RAB29: variants seen among roughly 807,000 people sequenced by gnomAD.
RAB29 encodes the protein RAB29, member RAS oncogene family.
In RAB29, 13 loss-of-function variants were observed where a neutral mutation model predicts 25.5. The observed-to-expected ratio is 0.51, with a 90% CI of 0.33 to 0.81. The LOEUF (loss-of-function observed/expected upper bound fraction) is 0.81, where lower values mean the gene tolerates loss of function less well. Among genes scored for constraint, RAB29 ranks in the 30% least tolerant of loss-of-function variants. The pLI, the probability that RAB29 is intolerant of heterozygous loss-of-function variation, is 0.02. For synonymous variants in RAB29, 88 were observed against 95.0 expected, an observed-to-expected ratio of 0.93 and a Z score of 0.43; for missense variants, 201 against 254.9, an observed-to-expected ratio of 0.79 and a Z score of 1.44.
Position 205,775,299 on chromosome 1 carries a change from T to C in RAB29, c.-157A>G. The C allele has an allele frequency of 1.1e-5, 3 of 269,510 alleles. No individual in the cohort carries two copies. The South Asian group carries it at 1.3e-4, about 12-fold the overall frequency. The allele number at this position is 269,510 out of a possible 1,614,324, so 16.7% of individuals were successfully genotyped here. On this transcript the variant is annotated 5_prime_UTR_variant, in exon 1 of 6. Transcript: ENST00000367139. Reference sequence around the variant, plus strand: ...GGGACTTCCCCCGAGCGGCTCCAAGTCAGTGACTGAATCCCAGTCAGCTCC... The same window carrying C: ...GGGACTTCCCCCGAGCGGCTCCAAGCCAGTGACTGAATCCCAGTCAGCTCC...
In RAB29 at chr1:205,770,763, T is replaced by C. The variant is rs749007910; in HGVS notation, c.470A>G (p.Lys157Arg). The C allele has an allele frequency of 4.8e-5, 78 of 1,614,084 alleles. No homozygotes were observed. Among genetic ancestry groups the C allele is most frequent in the Non-Finnish European group, 5.7e-5 (67 of 1,180,028 alleles). Residue 157 changes from lysine (K) to arginine (R), a missense_variant, in exon 5 of 6, where the codon AAG (lysine) becomes AGG (arginine). Physicochemically the swap from Lys to Arg is conservative, Grantham distance 26. Coordinates refer to ENST00000367139, the MANE Select transcript of RAB29 (RefSeq NM_003929.3). The part of the protein sequence containing the change: ...GFTGWTETSV[K>R]ENKNINEAMR... ...AGCCTCATTAATATTTTTGTTCTCC[T>C]TGACTGATGTTTCTGTCCAACCTGT...
intron 2 of RAB29, among the ~76,000 whole-genome samples, chr1:205,772,923 G>T (rs1655100427): frequency 6.6e-6 from 1 of 152,030 alleles, no homozygotes; most frequent in African/African-American, 2.4e-5. Context: ...GGGGTGATGG[G>T]GGAGAAGGGG....
chr1:205,775,437 C>T lies in RAB29; in HGVS notation c.-295G>A, dbSNP rs937504119. On this transcript the variant is annotated 5_prime_UTR_variant, in exon 1 of 6. Transcript: ENST00000367139. Reference sequence around the variant, plus strand: ...TAGACGCCCTCCCGCGCGCCTCTCTCTCCCCTTCCTCCGCAAGCGTCACGT... The same window carrying T: ...TAGACGCCCTCCCGCGCGCCTCTCTTTCCCCTTCCTCCGCAAGCGTCACGT... The T allele has an allele frequency of 6.5e-6, 1 of 154,566 alleles. No homozygotes were observed. Among genetic ancestry groups the T allele is most frequent in the East Asian group, 1.9e-4 (1 of 5,216 alleles). 9.6% of individuals were successfully genotyped at this position (154,566 alleles called of 1,614,324 possible).
intron 3 of RAB29, 57 bp from the exon 4 acceptor site, chr1:205,771,710 C>G: frequency 3.3e-6 from 5 of 1,525,340 alleles, no homozygotes; most frequent in Non-Finnish European, 4.5e-6. Context: ...CTCCCCATTC[C>G]TTGTAGAAGA....
At chr1:205,772,609 T>TA in intron 2 of RAB29, 42 bp from the exon 3 acceptor site, 3 of 1,554,164 alleles carry the variant, frequency 1.9e-6, no homozygotes, top group Non-Finnish European at 2.7e-6. Flanking sequence ...AATTTCACTG[T>TA]AAAAAATTAA....
intron 3 of RAB29, 50 bp downstream of exon 3, chr1:205,772,446 A>G: frequency 6.4e-7 from 1 of 1,563,228 alleles, no homozygotes; most frequent in African/African-American, 1.4e-5. Flanking sequence ...AGAGCTTTCT[A>G]GTTAAATCAA....
At position 205,770,747 on chromosome 1, in the gene RAB29, A is replaced by G; in HGVS notation, c.486T>C (p.Ile162=). 6.2e-7 allele frequency: 1 copy of G among 1,614,162 alleles called. No homozygotes were observed. Among genetic ancestry groups the G allele is most frequent in the Admixed American group, 1.7e-5 (1 of 60,014 alleles). ...GAGCTACTTACCTCATAGCCTCATT[A>G]ATATTTTTGTTCTCCTTGACTGATG... is the stretch of plus-strand genomic sequence containing the variant. The part of the protein sequence containing the change: ...TETSVKENKN[I]NEAMRVLIEK... Residue 162 remains isoleucine, a synonymous_variant, in exon 5 of 6, where the codon ATT becomes ATC. Coordinates refer to ENST00000367139, the MANE Select transcript of RAB29 (RefSeq NM_003929.3).
At position 205,769,923 on chromosome 1, in the gene RAB29, A is replaced by T. The variant is rs1654902663; in HGVS notation, c.*419T>A. On this transcript the variant is annotated 3_prime_UTR_variant, in exon 6 of 6. Transcript: ENST00000367139. ...GAATCTGAAACAACGGCCTACAAGA[A>T]ATTTGGGAAATGACATTTGATCTCA... 1 of 208,338 alleles carries T rather than the reference A, an allele frequency of 4.8e-6. No homozygotes were observed. The highest frequency in any genetic ancestry group is 9.8e-6 in the Non-Finnish European group (1 of 102,126). 12.9% of individuals were successfully genotyped at this position (208,338 alleles called of 1,614,324 possible).
intron 4 of RAB29, 131 bp downstream of exon 4, chr1:205,771,341 C>G: frequency 9.6e-7 from 1 of 1,042,814 alleles, no homozygotes; most frequent in African/African-American, 1.6e-5. Flanking sequence ...CCCTCAACAT[C>G]CTTTGAAGGA....
intron 2 of RAB29, 38 bp downstream of exon 2, chr1:205,774,795 T>TCCAACCCCA: frequency 1.2e-6 from 1 of 860,522 alleles, no homozygotes; most frequent in Non-Finnish European, 1.8e-6. Flanking sequence ...CGGGGCCTCC[T>TCCAACCCCA]CCTCCCCCTC....
chr1:205,775,191 C>T, intron 1 of RAB29, 82 bp downstream of exon 1: 1 of 503,980 alleles, frequency 2.0e-6, no homozygotes, highest in South Asian at 2.3e-5. Flanking sequence ...GAGCTCCGAG[C>T]CCCCGGCTGT....
chr1:205,770,878 G>A (rs1156500008), intron 4 of RAB29, 24 bp from the exon 5 acceptor site: 2 of 1,613,642 alleles, frequency 1.2e-6, no homozygotes, highest in Admixed American at 3.3e-5. Context: ...AAAATAAAAG[G>A]CAGTATCATA....
chr1:205,771,026 C>T, intron 4 of RAB29, 172 bp from the exon 5 acceptor site: 1 of 892,756 alleles, frequency 1.1e-6, no homozygotes, highest in East Asian at 3.0e-5. Context: ...TGGCTGGGCG[C>T]AGTGGCTCAC....
At chr1:205,774,006 T>A (rs916895106) in intron 2 of RAB29, among the ~76,000 whole-genome samples, 6 of 152,194 alleles carry the variant, frequency 3.9e-5, no homozygotes, top group Admixed American at 3.3e-4. Context: ...CCTAGCTAAA[T>A]ACCTTCTAAT....
Position 205,771,627 on chromosome 1 carries a change from G to T in RAB29, c.223C>A (p.Arg75=). 1 of 1,614,122 alleles carries T rather than the reference G, an allele frequency of 6.2e-7. No homozygotes were observed. Among genetic ancestry groups the T allele is most frequent in the Non-Finnish European group, 8.5e-7 (1 of 1,180,006 alleles). Reference sequence around the variant, plus strand: ...GCAGAGGCATCCCGATAATACAATCGTGTCATAGAGGTGAAGCGCTCCTGC... The same window carrying T: ...GCAGAGGCATCCCGATAATACAATCTTGTCATAGAGGTGAAGCGCTCCTGC... ...AGQERFTSMT[R]LYYRDASACV... Residue 75 remains arginine (R), a synonymous_variant, in exon 4 of 6, where the codon CGA becomes AGA. Transcript: ENST00000367139.
intron 2 of RAB29, among the ~76,000 whole-genome samples, chr1:205,774,473 C>T (rs1655194841): frequency 6.6e-6 from 1 of 152,220 alleles, no homozygotes. Context: ...GCTGCTTCTG[C>T]TGATTGGAGA....
intron 2 of RAB29, 35 bp downstream of exon 2, chr1:205,774,798 T>TGC: frequency 2.1e-4 from 140 of 658,464 alleles, no homozygotes; most frequent in Non-Finnish European, 3.4e-4. Context: ...GGCCTCCTCC[T>TGC]CCCCCTCCCC....
chr1:205,772,353 T>A, intron 3 of RAB29, 143 bp downstream of exon 3: 1 of 866,164 alleles, frequency 1.2e-6, no homozygotes, highest in South Asian at 1.3e-5. Context: ...TCTGCACCTA[T>A]TCAGCTCATG....
At position 205,769,912 on chromosome 1, in the gene RAB29, G is replaced by C. The variant is rs761874349; in HGVS notation, c.*430C>G. The C allele has an allele frequency of 4.9e-6, 1 of 202,142 alleles. No homozygotes were observed. Among genetic ancestry groups the C allele is most frequent in the Non-Finnish European group, 1.0e-5 (1 of 98,184 alleles). 12.5% of individuals were successfully genotyped at this position (202,142 alleles called of 1,614,324 possible). On this transcript the variant is annotated 3_prime_UTR_variant, in exon 6 of 6. Coordinates refer to ENST00000367139, the MANE Select transcript of RAB29 (RefSeq NM_003929.3). ...CAAGACAGAAAGAATCTGAAACAAC[G>C]GCCTACAAGAAATTTGGGAAATGAC...
Sources: allele counts gnomAD v4.1 joint callset (sites outside exome capture counted in the v4.1 genomes callset), GRCh38; gene constraint gnomAD v4.1.1; transcripts MANE v1.5; gene names NCBI Gene and HGNC (gene_info 2026-07-23, HGNC 2026-07-21).